TRIM55: variants seen among roughly 807,000 people sequenced by gnomAD.
The protein encoded by TRIM55 is tripartite motif-containing protein 55.
A neutral mutation model predicts 60.9 loss-of-function variants in TRIM55; 50 were observed. The ratio of observed to expected loss-of-function variants is 0.82; its 90% confidence interval spans 0.65 to 1.04. The LOEUF is 1.04. Among genes scored for constraint, TRIM55 ranks in the 50% least tolerant of loss-of-function variants. The probability of loss-of-function intolerance (pLI) is 0.00; values close to 1 mark genes in which losing one functional copy is unlikely to be tolerated. For missense variants in TRIM55, 681 were observed against 666.9 expected (o/e 1.02, Z -0.23); for synonymous variants, 237 against 238.1 (o/e 1.00, Z 0.04).
At position 66,133,795 on chromosome 8, in the gene TRIM55, A is replaced by G. The variant is rs546328441; in HGVS notation, c.342-1195A>G. On this transcript the variant is annotated intron_variant, in intron 2 of 9. Coordinates refer to ENST00000315962, the MANE Select transcript of TRIM55 (RefSeq NM_184085.2). ...CTCTGAGTTCTGGGTCTGCAGCTAC[A>G]AGATACCACACATCAAAAAAGATGG... Among the ~76,000 whole-genome samples the G allele has an allele frequency of 6.2e-4, 94 of 152,312 alleles. 3 individuals are homozygous for G. The South Asian group carries it at 0.019, about 30-fold the overall frequency.
intron 2 of TRIM55, among the ~76,000 whole-genome samples, chr8:66,133,672 C>A (rs192095295): frequency 1.3e-4 from 20 of 152,276 alleles, no homozygotes; most frequent in Admixed American, 1.2e-3. Context: ...GGGCTTCTCC[C>A]AATGTTTAGC....
intron 5 of TRIM55, among the ~76,000 whole-genome samples, 163 bp from the exon 6 acceptor site, chr8:66,150,054 A>T (rs1037250417): frequency 6.6e-6 from 1 of 152,252 alleles, no homozygotes; most frequent in Non-Finnish European, 1.5e-5. Flanking sequence ...CATGTCTATG[A>T]TACTGCTTAA....
intron 4 of TRIM55, among the ~76,000 whole-genome samples, chr8:66,145,026 G>A (rs1414692635): frequency 1.3e-5 from 2 of 152,122 alleles, no homozygotes; most frequent in Non-Finnish European, 2.9e-5. Context: ...TGGCCTCTGA[G>A]AACATTTTTT....
intron 4 of TRIM55, among the ~76,000 whole-genome samples, chr8:66,138,669 G>A (rs778434400): frequency 2.0e-5 from 3 of 152,176 alleles, no homozygotes; most frequent in Non-Finnish European, 2.9e-5. Flanking sequence ...GATCACAGGC[G>A]TGAGCCACCA....
intron 4 of TRIM55, among the ~76,000 whole-genome samples, chr8:66,145,469 T>G (rs1810048525): frequency 6.6e-6 from 1 of 152,266 alleles, no homozygotes; most frequent in South Asian, 2.1e-4. Context: ...ATTTATCATT[T>G]ATGATACTTT....
the TRIM55 span, among the ~76,000 whole-genome samples, chr8:66,115,791 T>G: frequency 6.6e-6 from 1 of 152,234 alleles, no homozygotes; most frequent in Non-Finnish European, 1.5e-5. Context: ...CTTCAGTGTC[T>G]TTGTTTCTCA....
At chr8:66,113,369 T>C in the TRIM55 span, 1 of 382,852 alleles carries the variant, frequency 2.6e-6, no homozygotes, top group Non-Finnish European at 5.2e-6. Flanking sequence ...TACACGTCCC[T>C]TCGATAGCTC....
At chr8:66,133,962 T>A (rs184235247) in intron 2 of TRIM55, among the ~76,000 whole-genome samples, 1 of 152,162 alleles carries the variant, frequency 6.6e-6, no homozygotes, top group Non-Finnish European at 1.5e-5. Flanking sequence ...AACACACATA[T>A]ACTTTTGTTT....
At chr8:66,138,207 C>A (rs1173288857) in intron 4 of TRIM55, among the ~76,000 whole-genome samples, 1 of 152,144 alleles carries the variant, frequency 6.6e-6, no homozygotes. Flanking sequence ...TTCCCGTTAT[C>A]CTCATTTCCC....
chr8:66,128,105 TG>T (rs1415187655), intron 1 of TRIM55, among the ~76,000 whole-genome samples, 198 bp from the exon 2 acceptor site: 1 of 152,048 alleles, frequency 6.6e-6, no homozygotes, highest in East Asian at 1.9e-4. Context: ...ACGTGGACAA[TG>T]GTATATTCGC....
At chr8:66,136,913 C>A (rs1809509194) in intron 3 of TRIM55, among the ~76,000 whole-genome samples, 182 bp from the exon 4 acceptor site, 1 of 152,166 alleles carries the variant, frequency 6.6e-6, no homozygotes, top group South Asian at 2.1e-4. Flanking sequence ...TTTCCCTGCA[C>A]AAATGGATTC....
At chr8:66,143,464 A>C (rs1317424836) in intron 4 of TRIM55, among the ~76,000 whole-genome samples, 1 of 152,218 alleles carries the variant, frequency 6.6e-6, no homozygotes, top group African/African-American at 2.4e-5. Flanking sequence ...AAGGGACTTT[A>C]GCAATTATAT....
chr8:66,135,232 T>C, intron 3 of TRIM55, 77 bp downstream of exon 3: 2 of 1,534,298 alleles, frequency 1.3e-6, no homozygotes, highest in Non-Finnish European at 1.8e-6. Flanking sequence ...CCAGTGTGAG[T>C]GGCTCCCTGC....
intron 4 of TRIM55, among the ~76,000 whole-genome samples, chr8:66,147,248 A>G (rs1810141370): frequency 6.6e-6 from 1 of 152,230 alleles, no homozygotes; most frequent in South Asian, 2.1e-4. Context: ...TGTTAAATCC[A>G]TGAATGAATG....
intron 9 of TRIM55, among the ~76,000 whole-genome samples, chr8:66,156,164 G>C (rs1810728721): frequency 6.6e-6 from 1 of 152,186 alleles, no homozygotes; most frequent in Non-Finnish European, 1.5e-5. Flanking sequence ...CCCAGGAGGT[G>C]GCCAAGTGAC....
chr8:66,148,984 G>T (rs1221155580), intron 4 of TRIM55, among the ~76,000 whole-genome samples: 1 of 150,280 alleles, frequency 6.7e-6, no homozygotes, highest in Non-Finnish European at 1.5e-5. Context: ...GGGAGGCGGA[G>T]GTTGCAATGA....
At chr8:66,116,539 C>T in the TRIM55 span, among the ~76,000 whole-genome samples, 3 of 149,472 alleles carry the variant, frequency 2.0e-5, no homozygotes, top group Admixed American at 1.3e-4. Context: ...CCTGAGAGGT[C>T]GAGGCTGCAG....
chr8:66,168,902 T>C (rs1230724464), intron 9 of TRIM55, among the ~76,000 whole-genome samples: 1 of 152,244 alleles, frequency 6.6e-6, no homozygotes, highest in Non-Finnish European at 1.5e-5. Flanking sequence ...TATCCATTAA[T>C]GTCTTCGTTG....
the TRIM55 span, among the ~76,000 whole-genome samples, chr8:66,121,206 A>G: frequency 6.6e-6 from 1 of 152,180 alleles, no homozygotes; most frequent in Admixed American, 6.5e-5. Context: ...AGACTGGAAA[A>G]CTGTTGAAAG....
Sources: allele counts gnomAD v4.1 joint callset (sites outside exome capture counted in the v4.1 genomes callset), GRCh38; gene constraint gnomAD v4.1.1; transcripts MANE v1.5; gene names NCBI Gene and HGNC (gene_info 2026-07-23, HGNC 2026-07-21).